Variants in CNTN5 observed in about 807,000 individuals in gnomAD.
The protein encoded by CNTN5 is contactin-5.
Under a neutral mutation model 129.1 loss-of-function variants are expected in CNTN5, and 77 were observed. The observed-to-expected ratio is 0.60, with a 90% CI of 0.50 to 0.72. The LOEUF (loss-of-function observed/expected upper bound fraction) is 0.72. CNTN5 is among the 30% of genes least tolerant of loss of function. The pLI, the probability that CNTN5 is intolerant of heterozygous loss-of-function variation, is 0.00. For synonymous variants in CNTN5, 509 were observed against 465.6 expected, an observed-to-expected ratio of 1.09 and a Z score of -1.20; for missense variants, 1,478 against 1,328.8, an observed-to-expected ratio of 1.11 and a Z score of -1.75.
chr11:99,951,545 C>T (rs1950676312), intron 7 of CNTN5, among the ~76,000 whole-genome samples: 1 of 152,024 alleles, frequency 6.6e-6, no homozygotes, highest in African/African-American at 2.4e-5. Flanking sequence ...AATTGGTCAT[C>T]CATGAGGCTA....
At chr11:99,609,274 A>G (rs1044916460) in intron 3 of CNTN5, among the ~76,000 whole-genome samples, 1 of 152,184 alleles carries the variant, frequency 6.6e-6, no homozygotes, top group Non-Finnish European at 1.5e-5. Flanking sequence ...AAGGATATAT[A>G]GACCCAAAGA....
chr11:99,770,765 T>C (rs559508455), intron 3 of CNTN5, among the ~76,000 whole-genome samples: 1 of 152,236 alleles, frequency 6.6e-6, no homozygotes, highest in African/African-American at 2.4e-5. Context: ...ATGCAAACCC[T>C]ATAAAAATTT....
intron 6 of CNTN5, among the ~76,000 whole-genome samples, chr11:99,864,896 G>T (rs1380584314): frequency 2.6e-5 from 4 of 152,070 alleles, no homozygotes; most frequent in African/African-American, 9.7e-5. Flanking sequence ...CCACTAAAAG[G>T]TATAAAAGCT....
chr11:99,416,476 G>A (rs1264097420), intron 2 of CNTN5, among the ~76,000 whole-genome samples: 1 of 151,864 alleles, frequency 6.6e-6, no homozygotes, highest in African/African-American at 2.4e-5. Context: ...TTGGTGAGAT[G>A]GGTTCTCAGT....
chr11:99,907,048 T>A (rs1426159898), intron 6 of CNTN5, among the ~76,000 whole-genome samples: 2 of 152,120 alleles, frequency 1.3e-5, no homozygotes, highest in Admixed American at 1.3e-4. Flanking sequence ...GTGGTCTATT[T>A]TGTTAATCTT....
At chr11:99,357,200 C>T (rs1474686676) in intron 2 of CNTN5, among the ~76,000 whole-genome samples, 1 of 151,800 alleles carries the variant, frequency 6.6e-6, no homozygotes, top group Non-Finnish European at 1.5e-5. Flanking sequence ...CTTTTAAATT[C>T]TCTCATATTA....
At chr11:100,248,209 G>A (rs1408125466) in intron 16 of CNTN5, among the ~76,000 whole-genome samples, 9 of 152,048 alleles carry the variant, frequency 5.9e-5, no homozygotes, top group African/African-American at 1.9e-4. Flanking sequence ...TTAATGTTTT[G>A]AATACCAGCA....
At chr11:99,944,549 A>C (rs185635512) in intron 7 of CNTN5, among the ~76,000 whole-genome samples, 1 of 152,250 alleles carries the variant, frequency 6.6e-6, no homozygotes, top group African/African-American at 2.4e-5. Context: ...AGAGTATTCA[A>C]ATAGGAAGAG....
At chr11:100,274,132 T>C (rs1011507885) in intron 18 of CNTN5, among the ~76,000 whole-genome samples, 1 of 152,212 alleles carries the variant, frequency 6.6e-6, no homozygotes, top group Non-Finnish European at 1.5e-5. Flanking sequence ...AAGGATACCC[T>C]ATTCAATAAA....
intron 2 of CNTN5, among the ~76,000 whole-genome samples, chr11:99,519,940 T>C (rs1390022557): frequency 6.6e-6 from 1 of 152,066 alleles, no homozygotes; most frequent in Non-Finnish European, 1.5e-5. Flanking sequence ...ATAAATAATT[T>C]ACTGTATTTT....
intron 13 of CNTN5, among the ~76,000 whole-genome samples, chr11:100,139,152 CAGTT>C (rs1565278287): frequency 6.6e-6 from 1 of 151,966 alleles, no homozygotes; most frequent in East Asian, 1.9e-4. Context: ...TATTTGAAGA[CAGTT>C]AAATATATAC....
At chr11:99,799,981 T>C (rs1245037549) in intron 3 of CNTN5, among the ~76,000 whole-genome samples, 1 of 152,144 alleles carries the variant, frequency 6.6e-6, no homozygotes, top group African/African-American at 2.4e-5. Flanking sequence ...TGAGATATTA[T>C]GTGTTTTCCA....
intron 1 of CNTN5, among the ~76,000 whole-genome samples, chr11:99,214,422 T>C (rs1424030089): frequency 6.9e-6 from 1 of 145,936 alleles, no homozygotes; most frequent in Non-Finnish European, 1.5e-5. Flanking sequence ...TATAATGTTC[T>C]AAAGCAGTAT....
intron 1 of CNTN5, among the ~76,000 whole-genome samples, chr11:99,226,549 T>C (rs909008872): frequency 3.3e-5 from 5 of 152,176 alleles, no homozygotes; most frequent in Non-Finnish European, 5.9e-5. Context: ...CTACCAACTG[T>C]ACCTCGATAA....
chr11:99,281,606 G>T (rs1036977599), intron 1 of CNTN5, among the ~76,000 whole-genome samples: 7 of 151,858 alleles, frequency 4.6e-5, no homozygotes, highest in Non-Finnish European at 7.4e-5. Context: ...GAAACTCACG[G>T]TCTTTATAAC....
intron 2 of CNTN5, among the ~76,000 whole-genome samples, chr11:99,504,555 A>G (rs1466343107): frequency 1.3e-5 from 2 of 151,888 alleles, no homozygotes; most frequent in African/African-American, 4.8e-5. Context: ...AAAGAAAGAA[A>G]AGAAATTAAA....
At position 99,639,212 on chromosome 11, in the gene CNTN5, C is replaced by T. The variant is rs569874416; in HGVS notation, c.55+82943C>T. On this transcript the variant is annotated intron_variant, in intron 3 of 24. Coordinates refer to ENST00000524871, the MANE Select transcript of CNTN5 (RefSeq NM_014361.4). ...AGCTGTACATTGGCCTTTTCAGCCA[C>T]ACCTGGAGTGGCTGGGACACAGAGC... Among the ~76,000 whole-genome samples, 4 of 152,326 alleles carry T rather than the reference C, an allele frequency of 2.6e-5. No homozygotes were observed. The East Asian group carries it at 7.7e-4, about 29-fold the overall frequency.
intron 2 of CNTN5, among the ~76,000 whole-genome samples, chr11:99,533,017 G>A (rs1193315034): frequency 6.6e-6 from 1 of 152,186 alleles, no homozygotes; most frequent in Non-Finnish European, 1.5e-5. Context: ...GAGGCCAGGA[G>A]TTCGAGACCA....
At chr11:100,262,734 A>G (rs1359717648) in intron 17 of CNTN5, among the ~76,000 whole-genome samples, 1 of 152,224 alleles carries the variant, frequency 6.6e-6, no homozygotes. Flanking sequence ...GTGGAAGTTG[A>G]ACAAGGAAAA....
Sources: gnomAD v4.1 joint callset for allele counts (sites outside exome capture counted in the v4.1 genomes callset) on GRCh38, gnomAD v4.1.1 for gene constraint, MANE v1.5 for transcripts, NCBI Gene and HGNC (gene_info 2026-07-23, HGNC 2026-07-21) for gene names.